KNTC1: variants seen among roughly 807,000 people sequenced by gnomAD.
KNTC1 encodes kinetochore associated 1.
Under a neutral mutation model 314.4 loss-of-function variants are expected in KNTC1, and 253 were observed. That is an observed-to-expected ratio of 0.80 (90% CI 0.73 to 0.89). The LOEUF (loss-of-function observed/expected upper bound fraction) is 0.89, where lower values mean the gene tolerates loss of function less well. KNTC1 is among the 40% of genes least tolerant of loss of function. The pLI is 0.00. For missense variants in KNTC1, 2,475 were observed against 2,572.9 expected (o/e 0.96, Z 0.82); for synonymous variants, 901 against 901.4 (o/e 1.00, Z 0.01).
rs554508902 is a variant in KNTC1 at position 122,576,217 on chromosome 12, G to A, written c.2586+318G>A. ...TGGGATTACAGGCATGCACTACCACGCTTGGCTAATTTTTTTTTTGTATTT... is the reference window on the plus strand; with the variant it reads ...TGGGATTACAGGCATGCACTACCACACTTGGCTAATTTTTTTTTTGTATTT... On this transcript the variant is annotated intron_variant, in intron 29 of 63. Coordinates refer to ENST00000333479, the MANE Select transcript of KNTC1 (RefSeq NM_014708.6). Among the ~76,000 whole-genome samples, 107 of 148,304 alleles carry A rather than the reference G, an allele frequency of 7.2e-4. 3 individuals carry two copies. In the South Asian group the frequency reaches 0.023, roughly 32 times the overall value.
rs143793785 is a variant in KNTC1 at position 122,554,934 on chromosome 12, A to G, written c.1273-2450A>G. 3.0e-3 allele frequency among the ~76,000 whole-genome samples: 451 copies of G among 152,252 alleles called. 1 individual carries two copies. The highest frequency in any genetic ancestry group is 0.01 in the African/African-American group (434 of 41,546). ...GTGGTGTGCGCCTGTAGTCCCAGCT[A>G]CTTGAGATGCTGAGGCAAGAGAATT... On this transcript the variant is annotated intron_variant, in intron 16 of 63. Coordinates refer to ENST00000333479, the MANE Select transcript of KNTC1 (RefSeq NM_014708.6).
At chr12:122,568,434 A>C in intron 21 of KNTC1, 62 bp downstream of exon 21, 1 of 904,352 alleles carries the variant, frequency 1.1e-6, no homozygotes, top group Non-Finnish European at 1.9e-6. Context: ...TGATTGAATC[A>C]ATGTTGGAGA....
intron 19 of KNTC1, among the ~76,000 whole-genome samples, chr12:122,562,386 G>A (rs561937676): frequency 6.6e-5 from 10 of 151,842 alleles, no homozygotes; most frequent in Non-Finnish European, 1.2e-4. Context: ...CAATTAATGT[G>A]TATGTGCCTT....
At chr12:122,537,874 C>T (rs1000199451) in intron 3 of KNTC1, among the ~76,000 whole-genome samples, 6 of 152,158 alleles carry the variant, frequency 3.9e-5, no homozygotes, top group African/African-American at 1.4e-4. Flanking sequence ...TGGCTCACAT[C>T]TGTAACCTCA....
chr12:122,580,938 G>T (rs1414711355), intron 33 of KNTC1, among the ~76,000 whole-genome samples: 1 of 151,286 alleles, frequency 6.6e-6, no homozygotes, highest in Non-Finnish European at 1.5e-5. Context: ...CGAGGCAGGA[G>T]AATTGCTTGA....
At chr12:122,547,561 C>T (rs1402261061) in intron 11 of KNTC1, 31 bp downstream of exon 11, 9 of 1,329,428 alleles carry the variant, frequency 6.8e-6, no homozygotes, top group South Asian at 1.2e-5. Flanking sequence ...GTAGTCATTT[C>T]CCTTCTGTTA....
At chr12:122,534,857 T>G in intron 3 of KNTC1, 73 bp downstream of exon 3, 1 of 1,414,424 alleles carries the variant, frequency 7.1e-7, no homozygotes, top group Non-Finnish European at 9.9e-7. Flanking sequence ...TCTGCTGGAT[T>G]GCCTCCTCTT....
In KNTC1 at chr12:122,562,645, G is replaced by A. The variant is rs761658001; in HGVS notation, c.1550G>A (p.Arg517Lys). ...IYSDGLKEVL[R>K]AHAKLTTFYG... ...AAATTATTTTTTCTTCAGGTGCTAA[G>A]AGCTCATGCAAAATTGACTACTTTT... Residue 517 changes from arginine (R) to lysine (K), a missense_variant, in exon 20 of 64, where the codon AGA becomes AAA. Transcript: ENST00000333479. The A allele has an allele frequency of 1.3e-6, 2 of 1,593,404 alleles. No homozygotes were observed. The highest frequency in any genetic ancestry group is 2.2e-5 in the South Asian group (2 of 90,390).
chr12:122,527,986 G>A (rs1180820692), intron 1 of KNTC1, among the ~76,000 whole-genome samples: 2 of 152,180 alleles, frequency 1.3e-5, no homozygotes. Context: ...TGTGGAGGTA[G>A]CATAACAAGA....
At chr12:122,604,832 G>A (rs776108017) in intron 49 of KNTC1, 45 bp from the exon 50 acceptor site, 75 of 1,538,854 alleles carry the variant, frequency 4.9e-5, no homozygotes, top group Non-Finnish European at 6.4e-5. Context: ...CTTCAACTGA[G>A]GCTTACAAAG....
intron 24 of KNTC1, among the ~76,000 whole-genome samples, chr12:122,571,441 C>A (rs912416928): frequency 6.6e-6 from 1 of 151,960 alleles, no homozygotes; most frequent in Non-Finnish European, 1.5e-5. Context: ...CTCACTGCAC[C>A]CTCAACTTTT....
chr12:122,616,910 C>T (rs986495704), intron 57 of KNTC1, among the ~76,000 whole-genome samples: 2 of 152,166 alleles, frequency 1.3e-5, no homozygotes, highest in African/African-American at 2.4e-5. Flanking sequence ...TCCCTCCAGC[C>T]CCCAGTGACC....
At position 122,618,553 on chromosome 12, in the gene KNTC1, A is replaced by G; in HGVS notation, c.6149+8A>G. ...TCTCATCGCTGTCCTCGAGTAAGCA[A>G]AATATTTGTTCTACCAAAAAAAAAA... On this transcript the variant is annotated splice_region_variant and intron_variant, in intron 59 of 63. Transcript: ENST00000333479. 6.2e-7 allele frequency: 1 copy of G among 1,608,402 alleles called. No homozygotes were observed. The highest frequency in any genetic ancestry group is 8.5e-7 in the Non-Finnish European group (1 of 1,177,732).
At chr12:122,574,173 T>A (rs1235634619) in intron 26 of KNTC1, 109 bp from the exon 27 acceptor site, 1 of 603,890 alleles carries the variant, frequency 1.7e-6, no homozygotes, top group East Asian at 3.1e-5. Context: ...GTTTTTTTTC[T>A]TTTAACACAT....
chr12:122,557,658 C>T lies in KNTC1; in HGVS notation c.1457C>T (p.Thr486Ile), dbSNP rs369856440. 3.1e-6 allele frequency: 5 copies of T among 1,613,216 alleles called. No individual in the cohort carries two copies. The highest frequency in any genetic ancestry group is 4.2e-6 in the Non-Finnish European group (5 of 1,179,610). ...GCTCAGTGGATAACCTATGAAACCACTCAAGAGATGCTGAATTATGCCAAA... is the reference window on the plus strand; with the variant it reads ...GCTCAGTGGATAACCTATGAAACCATTCAAGAGATGCTGAATTATGCCAAA... ...LKAQWITYET[T>I]QEMLNYAKTR... The change falls in exon 18 of 64, where the codon ACT becomes ATT. Residue 486 changes from threonine (T) to isoleucine (I), a missense_variant. Coordinates refer to ENST00000333479, the MANE Select transcript of KNTC1 (RefSeq NM_014708.6).
At position 122,538,125 on chromosome 12, in the gene KNTC1, G is replaced by A. The variant is rs901990914; in HGVS notation, c.251-214G>A. Among the ~76,000 whole-genome samples, 7 of 152,158 alleles carry A rather than the reference G, an allele frequency of 4.6e-5. No homozygotes were observed. In the South Asian group the frequency reaches 6.2e-4, roughly 14 times the overall value. On this transcript the variant is annotated intron_variant, in intron 3 of 63. Transcript: ENST00000333479. ...TGCACTCCAGCCTGGGTAGCAGAGC[G>A]AGACGCTGTCTCAAAAACAAAACAA...
chr12:122,602,495 T>C (rs1167397441), intron 45 of KNTC1, 74 bp from the exon 46 acceptor site: 8 of 887,578 alleles, frequency 9.0e-6, no homozygotes, highest in Non-Finnish European at 1.2e-5. Context: ...TTTGATGGTA[T>C]ACTATTAGAT....
rs199547945 is a variant in KNTC1 at position 122,534,648 on chromosome 12, C to A, written c.130-16C>A. ...TAAAAATGTTTGAATTTTCATCATG[C>A]TTTTCTCTCCCACAGGCCTCATTAA... On this transcript the variant is annotated splice_polypyrimidine_tract_variant and intron_variant, in intron 2 of 63. Transcript: ENST00000333479. 519 of 1,595,118 alleles carry A rather than the reference C, an allele frequency of 3.3e-4. 4 individuals carry two copies. In the African/African-American group the frequency reaches 6.4e-3, roughly 20 times the overall value.
intron 12 of KNTC1, among the ~76,000 whole-genome samples, chr12:122,549,163 C>A (rs1196428989): frequency 1.3e-5 from 2 of 151,896 alleles, no homozygotes; most frequent in Admixed American, 1.3e-4. Flanking sequence ...TCAAGCAATT[C>A]TGCCTCAGCC....
Sources: allele counts gnomAD v4.1 joint callset (sites outside exome capture counted in the v4.1 genomes callset), GRCh38; gene constraint gnomAD v4.1.1; transcripts MANE v1.5; gene names NCBI Gene and HGNC (gene_info 2026-07-23, HGNC 2026-07-21).